The following LIMK1 variants were observed in gnomAD, a reference collection of about 807,000 sequenced individuals.
The protein encoded by LIMK1 is LIM domain kinase 1.
In LIMK1, 21 loss-of-function variants were observed where a neutral mutation model predicts 77.6. The observed-to-expected ratio is 0.27, with a 90% CI of 0.19 to 0.39. The LOEUF (loss-of-function observed/expected upper bound fraction) is 0.39. Ranked by LOEUF, LIMK1 falls within the 10% of genes least tolerant of loss-of-function variation. The probability of loss-of-function intolerance (pLI) is 1.00; values close to 1 mark genes in which losing one functional copy is unlikely to be tolerated. For missense variants in LIMK1, 696 were observed against 901.6 expected, an observed-to-expected ratio of 0.77 and a Z score of 2.92; for synonymous variants, 358 against 370.0, an observed-to-expected ratio of 0.97 and a Z score of 0.37.
chr7:74,083,864 CCCCGGCCCGG>C lies in LIMK1; in HGVS notation c.-112_-103del, dbSNP rs1211636272. 5.2e-4 allele frequency: 77 copies of C among 148,046 alleles called. 1 individual carries two copies. In the South Asian group the frequency reaches 0.014, roughly 27 times the overall value. The allele number at this position is 148,046 out of a possible 1,614,324, so 9.2% of individuals were successfully genotyped here. A position where few individuals can be genotyped will look rare whatever the true frequency, so the allele number is the denominator to read the frequency against. On this transcript the variant is annotated 5_prime_UTR_variant, in exon 1 of 16. Coordinates refer to ENST00000336180, the MANE Select transcript of LIMK1 (RefSeq NM_002314.4). Reference sequence around the variant, plus strand: ...TTCCCCGCCGGTGTCCGAGAGGCGCCCCCGGCCCGGCCCGGCCCGGCCCGCGCCCTCCGCC... The same window carrying C: ...TTCCCCGCCGGTGTCCGAGAGGCGCCCCCGGCCCGGCCCGCGCCCTCCGCC...
intron 4 of LIMK1, 36 bp from the exon 5 acceptor site, chr7:74,098,996 G>C: frequency 6.4e-7 from 1 of 1,554,200 alleles, no homozygotes; most frequent in Non-Finnish European, 8.8e-7. Context: ...TGACGCCCTT[G>C]ACACTCTTTT....
In LIMK1 at chr7:74,105,995, C is replaced by T. The variant is rs782577816; in HGVS notation, c.714+15C>T. The T allele has an allele frequency of 4.3e-6, 7 of 1,613,724 alleles. No homozygotes were observed. Among genetic ancestry groups the T allele is most frequent in the Non-Finnish European group, 5.1e-6 (6 of 1,179,624 alleles). ...CCCTGGACGAGGTACGGTCCTGAGT[C>T]TGTGGGGCAGGACGGGAGGTAGTGC... On this transcript the variant is annotated intron_variant, in intron 6 of 15. Coordinates refer to ENST00000336180, the MANE Select transcript of LIMK1 (RefSeq NM_002314.4).
intron 5 of LIMK1, among the ~76,000 whole-genome samples, chr7:74,104,224 A>T (rs1799521845): frequency 6.6e-6 from 1 of 150,854 alleles, no homozygotes; most frequent in Non-Finnish European, 1.5e-5. Flanking sequence ...GAGCCACCAC[A>T]CCTGGCCCTG....
intron 5 of LIMK1, among the ~76,000 whole-genome samples, chr7:74,104,395 G>GT (rs1717303717): frequency 6.6e-6 from 1 of 152,098 alleles, no homozygotes; most frequent in Non-Finnish European, 1.5e-5. Context: ...GGAGGCCAAG[G>GT]TGGGTGGATT....
At chr7:74,112,046 C>T in intron 12 of LIMK1, 48 bp downstream of exon 12, 2 of 1,417,642 alleles carry the variant, frequency 1.4e-6, no homozygotes, top group Non-Finnish European at 9.7e-7. Context: ...ACAGCAGGAG[C>T]CCATCCAACC....
At position 74,115,856 on chromosome 7, in the gene LIMK1, A is replaced by G; in HGVS notation, c.1465A>G (p.Lys489Glu). Residue 489 changes from lysine (K) to glutamate (E), a missense_variant, in exon 13 of 16, where the codon AAG becomes GAG. Lys to Glu is a moderately conservative substitution (Grantham distance 56). Around this residue, in one of 3 missense-constraint regions of LIMK1, gnomAD observed 438 missense variants for 602.3 expected, o/e 0.73. Transcript: ENST00000336180. The part of the protein sequence containing the change: ...FGLARLMVDE[K>E]TQPEGLRSLK... ...GCTGGCGCGTCTCATGGTGGACGAG[A>G]AGACTCAGCCTGAGGGCCTGCGGAG... is the stretch of plus-strand genomic sequence containing the variant. The G allele has an allele frequency of 6.2e-7, 1 of 1,614,166 alleles. No homozygotes were observed. The highest frequency in any genetic ancestry group is 8.5e-7 in the Non-Finnish European group (1 of 1,180,020).
chr7:74,104,728 G>A (rs1554697070), intron 5 of LIMK1, among the ~76,000 whole-genome samples: 2 of 152,170 alleles, frequency 1.3e-5, no homozygotes, highest in African/African-American at 4.8e-5. Context: ...TTAGCTTATA[G>A]GCAACTGATC....
chr7:74,096,971 TC>T lies in LIMK1; in HGVS notation c.292-106del. On this transcript the variant is annotated intron_variant, in intron 3 of 15. Transcript: ENST00000336180. ...GGAGCTCAGCAGCTGGCCAGCCGGG[TC>T]CCTGCAGTTGTTTTTTTGGTGACAC... 5.7e-6 allele frequency: 6 copies of T among 1,049,660 alleles called. No homozygotes were observed. In the Middle Eastern group the frequency reaches 1.1e-3, roughly 188 times the overall value. 65.0% of individuals were successfully genotyped at this position (1,049,660 alleles called of 1,614,324 possible).
intron 5 of LIMK1, among the ~76,000 whole-genome samples, chr7:74,104,637 A>G (rs1799529756): frequency 6.6e-6 from 1 of 151,988 alleles, no homozygotes; most frequent in Admixed American, 6.6e-5. Context: ...AAAAAAAAAA[A>G]GAAAAGAAAA....
intron 5 of LIMK1, among the ~76,000 whole-genome samples, chr7:74,103,725 C>T (rs1441035742): frequency 6.6e-6 from 1 of 152,194 alleles, no homozygotes; most frequent in African/African-American, 2.4e-5. Flanking sequence ...GAATTTCTAA[C>T]TCTGTTCTTC....
At chr7:74,085,533 G>A (rs782474551) in intron 1 of LIMK1, among the ~76,000 whole-genome samples, 4 of 152,240 alleles carry the variant, frequency 2.6e-5, no homozygotes, top group Non-Finnish European at 5.9e-5. Flanking sequence ...CAGGGCCAGA[G>A]AAGCTTGGCA....
intron 8 of LIMK1, among the ~76,000 whole-genome samples, chr7:74,107,594 G>T (rs1463521386): frequency 2.0e-5 from 3 of 151,622 alleles, no homozygotes; most frequent in African/African-American, 7.3e-5. Context: ...TAGGCAGGAG[G>T]ATTGTGAGCC....
rs1799590156 is a variant in LIMK1 at position 74,107,080 on chromosome 7, C to A, written c.952C>A (p.Leu318Met). 2 of 1,610,246 alleles carry A rather than the reference C, an allele frequency of 1.2e-6. No homozygotes were observed. The highest frequency in any genetic ancestry group is 1.3e-5 in the African/African-American group (1 of 74,896). Residue 318 changes from leucine (L) to methionine (M), a missense_variant, in exon 8 of 16, where the codon CTG (leucine) becomes ATG (methionine). Leu to Met is a conservative substitution (Grantham distance 15, BLOSUM62 2). Transcript: ENST00000336180. The stretch of plus-strand genomic sequence containing the variant: ...CTCCCCGGCCTCCCAGCGCAAGGAC[C>A]TGGGTCGCTCTGAGTCCCTCCGCGT... ...LGSPASQRKD[L>M]GRSESLRVVC...
chr7:74,112,187 G>C (rs922853818), intron 12 of LIMK1, among the ~76,000 whole-genome samples, 189 bp downstream of exon 12: 1 of 152,136 alleles, frequency 6.6e-6, no homozygotes, highest in African/African-American at 2.4e-5. Context: ...ACCTGGGTTT[G>C]AGTCCTGTCT....
intron 2 of LIMK1, among the ~76,000 whole-genome samples, chr7:74,090,789 C>A (rs1207716947): frequency 6.6e-6 from 1 of 152,208 alleles, no homozygotes; most frequent in African/African-American, 2.4e-5. Context: ...ACTTTCCTGG[C>A]CCCTCTGCAT....
In LIMK1 at chr7:74,098,298, T is replaced by A. The variant is rs139307830; in HGVS notation, c.402-734T>A. ...GATACCCCATTCCAAGGACTTAGAG[T>A]CTCCCTCCCAGGAATCAGGACAAAA... is the stretch of plus-strand genomic sequence containing the variant. On this transcript the variant is annotated intron_variant, in intron 4 of 15. Transcript: ENST00000336180. Among the ~76,000 whole-genome samples the A allele has an allele frequency of 8.1e-4, 123 of 152,022 alleles. 1 individual carries two copies. The East Asian group carries it at 0.012, about 14-fold the overall frequency.
chr7:74,112,095 T>G, intron 12 of LIMK1, 97 bp downstream of exon 12: 1 of 969,094 alleles, frequency 1.0e-6, no homozygotes, highest in South Asian at 1.6e-5. Context: ...GGCCCCTCCA[T>G]GTTGCCTCCA....
Position 74,085,803 on chromosome 7 carries a change from C to T in LIMK1, c.111C>T (p.Tyr37=), listed in dbSNP as rs782015647. 1.9e-6 allele frequency: 3 copies of T among 1,563,552 alleles called. No individual in the cohort carries two copies. Among genetic ancestry groups the T allele is most frequent in the Admixed American group, 1.9e-5 (1 of 53,072 alleles). The change falls in exon 2 of 16, where the codon TAC becomes TAT. Residue 37 remains tyrosine, a synonymous_variant. Transcript: ENST00000336180. ...GCCAGAGGATCTATGATGGCCAGTA[C>T]CTCCAGGCCCTGAACGCGGACTGGC... ...SCGQRIYDGQ[Y]LQALNADWHA...
chr7:74,120,518 C>A, intron 13 of LIMK1, 65 bp from the exon 14 acceptor site: 4 of 1,579,848 alleles, frequency 2.5e-6, no homozygotes, highest in Non-Finnish European at 3.5e-6. Flanking sequence ...GGCCTGGTCC[C>A]CTGCCTTTTG....
Sources: allele counts gnomAD v4.1 joint callset (sites outside exome capture counted in the v4.1 genomes callset), GRCh38; gene constraint gnomAD v4.1.1; regional missense constraint gnomAD v4.1.1; transcripts MANE v1.5; gene names NCBI Gene and HGNC (gene_info 2026-07-23, HGNC 2026-07-21).